Variants in VSIG1 observed in about 807,000 individuals in gnomAD.
The protein encoded by VSIG1 is V-set and immunoglobulin domain-containing protein 1.
VSIG1 carries 11 observed loss-of-function variants against 20.1 expected under a neutral mutation model. That is an observed-to-expected ratio of 0.55 (90% CI 0.34 to 0.91). The LOEUF is 0.91. VSIG1 is among the 40% of genes least tolerant of loss of function. The pLI is 0.02. For synonymous variants in VSIG1, 126 were observed against 116.7 expected, an observed-to-expected ratio of 1.08 and a Z score of -0.52; for missense variants, 283 against 298.8, an observed-to-expected ratio of 0.95 and a Z score of 0.39.
upstream of VSIG1, among the ~76,000 whole-genome samples, chrX:108,043,495 T>A (rs1162620728): frequency 8.9e-6 from 1 of 112,246 alleles, no homozygotes; most frequent in South Asian, 3.7e-4. Context: ...AATGGTCAGC[T>A]GTAGGATATT....
intron 1 of VSIG1, among the ~76,000 whole-genome samples, chrX:108,047,957 C>CATATATATATATATATATATATATATAT (rs1569287407): frequency 7.7e-5 from 2 of 25,890 alleles, no homozygotes; most frequent in Non-Finnish European, 1.1e-4. Flanking sequence ...TATATATACA[C>CATATATATATATATATATATATATATAT]ACACATATAT....
At chrX:108,058,520 T>C (rs994374347) in intron 2 of VSIG1, among the ~76,000 whole-genome samples, 1 of 111,891 alleles carries the variant, frequency 8.9e-6, no homozygotes, top group African/African-American at 3.3e-5. Flanking sequence ...GGGCTCCCCC[T>C]CCACCTTTAT....
At chrX:108,026,666 A>G in the VSIG1 span, among the ~76,000 whole-genome samples, 1 of 111,467 alleles carries the variant, frequency 9.0e-6, no homozygotes, top group African/African-American at 3.3e-5. Context: ...GAAGGTGGTC[A>G]TATTCAAAAA....
At chrX:108,053,238 A>G (rs750352451) in intron 1 of VSIG1, among the ~76,000 whole-genome samples, 1 of 112,568 alleles carries the variant, frequency 8.9e-6, no homozygotes, top group South Asian at 3.6e-4. Flanking sequence ...TAAGTACATA[A>G]AGTAGACTAT....
At chrX:108,036,590 T>C in the VSIG1 span, among the ~76,000 whole-genome samples, 1 of 112,106 alleles carries the variant, frequency 8.9e-6, no homozygotes, top group East Asian at 2.8e-4. Context: ...AGCTGACTCA[T>C]ACTTATTGTT....
chrX:108,058,700 G>A (rs148983291), intron 2 of VSIG1, among the ~76,000 whole-genome samples: 45 of 111,609 alleles, frequency 4.0e-4, no homozygotes, highest in East Asian at 3.7e-3. Context: ...GGCCATAGTA[G>A]TGATGAACCC....
At chrX:108,047,941 TATATATATATATAC>T (rs1569287353) in intron 1 of VSIG1, among the ~76,000 whole-genome samples, 1 of 26,432 alleles carries the variant, frequency 3.8e-5, no homozygotes, top group East Asian at 9.5e-4. Context: ...TATACACATA[TATATATATATATAC>T]ACACACATAT....
At position 108,067,130 on chromosome X, in the gene VSIG1, G is replaced by A. The variant is rs773780577; in HGVS notation, c.408G>A (p.Val136=). Reference sequence around the variant, plus strand: ...ACCAAGGCATCCTCAACGTCAGTGTGTTAGGTATGAGCACTTTTTTCTGCT... The same window carrying A: ...ACCAAGGCATCCTCAACGTCAGTGTATTAGGTATGAGCACTTTTTTCTGCT... ...GQNQGILNVS[V]LVKPSKPLCS... is the part of the protein sequence containing the mutation. The change falls in exon 3 of 7, where the codon GTG becomes GTA. Residue 136 remains valine, a synonymous_variant. Coordinates refer to ENST00000217957, the MANE Select transcript of VSIG1 (RefSeq NM_182607.5). 199 of 1,209,498 alleles carry A rather than the reference G, an allele frequency of 1.6e-4. No homozygotes were observed. The highest frequency in any genetic ancestry group is 2.2e-4 in the Non-Finnish European group (194 of 894,978).
chrX:108,070,556 C>A (rs932765791), intron 3 of VSIG1, among the ~76,000 whole-genome samples: 5 of 112,342 alleles, frequency 4.5e-5, no homozygotes, highest in African/African-American at 1.6e-4. Context: ...TAGTTCAAGT[C>A]CTGGTGTCCA....
rs770921068 is a variant in VSIG1 at position 108,066,899 on chromosome X, T to TAGG, written c.214-37_214-36insAGG. On this transcript the variant is annotated intron_variant, in intron 2 of 6. Coordinates refer to ENST00000217957, the MANE Select transcript of VSIG1 (RefSeq NM_182607.5). ...CAGGTAGCTTATCCTAGTCCTGGAC[T>TAGG]CTCTCCAGTTCTCACTTCTGTTATT... The TAGG allele has an allele frequency of 6.0e-6, 7 of 1,161,075 alleles. No homozygotes were observed. The African/African-American group carries it at 1.1e-4, about 18-fold the overall frequency.
chrX:108,033,434 G>A, the VSIG1 span, among the ~76,000 whole-genome samples: 1 of 112,129 alleles, frequency 8.9e-6, no homozygotes, highest in African/African-American at 3.2e-5. Context: ...CCCTCCTCAT[G>A]CTGCTGCACC....
chrX:108,047,945 T>TATACAC (rs2030668820), intron 1 of VSIG1, among the ~76,000 whole-genome samples: 15 of 37,152 alleles, frequency 4.0e-4, no homozygotes, highest in African/African-American at 7.0e-4. Context: ...CACATATATA[T>TATACAC]ATATATATAC....
At chrX:108,022,725 G>A in the VSIG1 span, among the ~76,000 whole-genome samples, 124 of 112,051 alleles carry the variant, frequency 1.1e-3, no homozygotes, top group African/African-American at 3.9e-3. Context: ...CCCCTTCAAA[G>A]CTCATGTTGA....
In VSIG1 at chrX:108,078,173, G is replaced by C. The variant is rs949932389; in HGVS notation, c.*792G>C. 8.9e-6 allele frequency: 1 copy of C among 112,039 alleles called. No homozygotes were observed. The highest frequency in any genetic ancestry group is 1.9e-5 in the Non-Finnish European group (1 of 53,196). The allele number at this position is 112,039 out of a possible 1,213,427, so 9.2% of individuals were successfully genotyped here. ...TGGAAAATTTTCTCCAAATACAATA[G>C]AGGAGAATATGTAAAGGGTATACAT... On this transcript the variant is annotated 3_prime_UTR_variant, in exon 7 of 7. Transcript: ENST00000217957.
upstream of VSIG1, among the ~76,000 whole-genome samples, chrX:108,042,876 A>C (rs1374391395): frequency 8.9e-6 from 1 of 112,243 alleles, no homozygotes; most frequent in Non-Finnish European, 1.9e-5. Flanking sequence ...TATTTTTAAT[A>C]GCACAAACAG....
intron 5 of VSIG1, 93 bp from the exon 6 acceptor site, chrX:108,075,984 G>A (rs1183327451): frequency 4.6e-6 from 5 of 1,089,463 alleles, no homozygotes; most frequent in African/African-American, 1.8e-5. Flanking sequence ...TTCCCACTAT[G>A]TGAATGGCCC....
chrX:108,073,201 T>C (rs2031284870), intron 4 of VSIG1, 49 bp from the exon 5 acceptor site: 13 of 1,192,714 alleles, frequency 1.1e-5, no homozygotes, highest in Non-Finnish European at 1.5e-5. Context: ...ACTGATGTTA[T>C]CTGTATGCAC....
chrX:108,068,863 T>C (rs894502124), intron 3 of VSIG1, among the ~76,000 whole-genome samples: 33 of 112,206 alleles, frequency 2.9e-4, no homozygotes, highest in Non-Finnish European at 4.9e-4. Context: ...CTGTACTCAG[T>C]GACCTTATAC....
At chrX:108,053,858 C>T (rs372861348) in intron 1 of VSIG1, among the ~76,000 whole-genome samples, 186 of 110,934 alleles carry the variant, frequency 1.7e-3, no homozygotes, top group African/African-American at 5.3e-3. Context: ...CTTACTGTGC[C>T]TAATTTATAA....
Sources: allele counts gnomAD v4.1 joint callset (sites outside exome capture counted in the v4.1 genomes callset), GRCh38; gene constraint gnomAD v4.1.1; transcripts MANE v1.5; gene names NCBI Gene and HGNC (gene_info 2026-07-23, HGNC 2026-07-21).